UMAD1: variants seen among roughly 807,000 people sequenced by gnomAD.
UMAD1 encodes UBAP1-MVB12-associated (UMA) domain containing 1.
In UMAD1, 8 loss-of-function variants were observed where a neutral mutation model predicts 6.1. The observed-to-expected ratio is 1.30, with a 90% confidence interval of 0.76 to 2.35. The LOEUF (loss-of-function observed/expected upper bound fraction) is 2.35, where lower values mean the gene tolerates loss of function less well. UMAD1 is among the 30% of genes most tolerant of loss of function. The pLI is 0.00. For synonymous variants in UMAD1, 56 were observed against 31.4 expected (o/e 1.78, Z -2.61); for missense variants, 130 against 78.4 (o/e 1.66, Z -2.49).
intron 3 of UMAD1, among the ~76,000 whole-genome samples, chr7:7,827,893 T>C (rs1434676873): frequency 6.6e-6 from 1 of 152,250 alleles, no homozygotes; most frequent in Non-Finnish European, 1.5e-5. Context: ...TAAATATGTT[T>C]AACCCCTCTT....
At chr7:7,812,190 G>A (rs1783033508) in intron 3 of UMAD1, among the ~76,000 whole-genome samples, 1 of 152,196 alleles carries the variant, frequency 6.6e-6, no homozygotes, top group East Asian at 1.9e-4. Flanking sequence ...CCTAGCCAGT[G>A]AGTCCAAACC....
intron 2 of UMAD1, among the ~76,000 whole-genome samples, chr7:7,767,128 C>CTTTTTTTTT (rs71014711): frequency 6.9e-5 from 9 of 129,810 alleles, no homozygotes; most frequent in Non-Finnish European, 1.2e-4. Flanking sequence ...AAATTAAGCT[C>CTTTTTTTTT]TTTTTTTTTT....
At chr7:7,847,098 AAAAAAAAT>A (rs1563255543) in intron 3 of UMAD1, among the ~76,000 whole-genome samples, 3 of 46,916 alleles carry the variant, frequency 6.4e-5, no homozygotes, top group Non-Finnish European at 1.1e-4. Context: ...AAAAAAAAAA[AAAAAAAAT>A]ATATATATAT....
intron 1 of UMAD1, among the ~76,000 whole-genome samples, chr7:7,654,495 T>A (rs1785296461): frequency 1.3e-5 from 2 of 152,382 alleles, no homozygotes; most frequent in South Asian, 4.1e-4. Flanking sequence ...AATCCACAGA[T>A]GCTCAAGTGC....
chr7:7,814,855 A>T (rs1055682245), intron 3 of UMAD1, among the ~76,000 whole-genome samples: 1 of 152,018 alleles, frequency 6.6e-6, no homozygotes, highest in African/African-American at 2.4e-5. Context: ...GTGCGATGTG[A>T]TTTCTTCAGG....
At chr7:7,745,781 T>G (rs553165206) in intron 2 of UMAD1, among the ~76,000 whole-genome samples, 1 of 152,222 alleles carries the variant, frequency 6.6e-6, no homozygotes. Flanking sequence ...ATGGCCTGTT[T>G]CCCCACATTT....
intron 2 of UMAD1, among the ~76,000 whole-genome samples, chr7:7,682,695 T>C (rs1779943168): frequency 6.6e-6 from 1 of 152,212 alleles, no homozygotes; most frequent in Non-Finnish European, 1.5e-5. Flanking sequence ...AGAGTGTTTA[T>C]GGATTAAAAA....
At chr7:7,853,622 A>G (rs546205530) in intron 3 of UMAD1, among the ~76,000 whole-genome samples, 8 of 152,168 alleles carry the variant, frequency 5.3e-5, no homozygotes, top group Non-Finnish European at 8.8e-5. Flanking sequence ...CATTCCAAGT[A>G]TATAGAAATA....
chr7:7,710,295 A>G (rs1563143690), intron 2 of UMAD1, among the ~76,000 whole-genome samples: 1 of 152,326 alleles, frequency 6.6e-6, no homozygotes, highest in African/African-American at 2.4e-5. Context: ...CTCACACTTT[A>G]TGCAAAAATT....
intron 3 of UMAD1, among the ~76,000 whole-genome samples, chr7:7,810,147 G>A (rs964180542): frequency 6.6e-6 from 1 of 151,950 alleles, no homozygotes; most frequent in African/African-American, 2.4e-5. Context: ...TATATAATAA[G>A]TATATTAATT....
intron 3 of UMAD1, among the ~76,000 whole-genome samples, chr7:7,874,090 T>C (rs901846786): frequency 6.6e-6 from 1 of 152,190 alleles, no homozygotes; most frequent in African/African-American, 2.4e-5. Context: ...ATCCCTATAA[T>C]TGGTGATTCC....
At chr7:7,843,068 T>G (rs958117585) in intron 3 of UMAD1, among the ~76,000 whole-genome samples, 1 of 152,208 alleles carries the variant, frequency 6.6e-6, no homozygotes, top group Non-Finnish European at 1.5e-5. Flanking sequence ...GAGAGATTTT[T>G]CTGGACATAC....
At chr7:7,743,555 C>G (rs1417146361) in intron 2 of UMAD1, among the ~76,000 whole-genome samples, 1 of 151,392 alleles carries the variant, frequency 6.6e-6, no homozygotes, top group African/African-American at 2.4e-5. Context: ...TAATACTTTC[C>G]CCTTATGTAT....
At chr7:7,731,835 G>A (rs1781265609) in intron 2 of UMAD1, among the ~76,000 whole-genome samples, 1 of 152,124 alleles carries the variant, frequency 6.6e-6, no homozygotes, top group South Asian at 2.1e-4. Context: ...CAGGAGAAGT[G>A]TAGTAGCTAA....
chr7:7,802,632 G>A (rs373383431), intron 3 of UMAD1, among the ~76,000 whole-genome samples: 1 of 152,246 alleles, frequency 6.6e-6, no homozygotes, highest in East Asian at 1.9e-4. Flanking sequence ...TACTAGGGTG[G>A]AAGGATTATC....
intron 2 of UMAD1, among the ~76,000 whole-genome samples, chr7:7,731,821 T>TA (rs1473790124): frequency 6.6e-6 from 1 of 152,150 alleles, no homozygotes; most frequent in East Asian, 1.9e-4. Context: ...AAAAATACCA[T>TA]AATCAGGAGA....
At chr7:7,780,073 G>A (rs1345350322) in intron 2 of UMAD1, among the ~76,000 whole-genome samples, 2 of 152,206 alleles carry the variant, frequency 1.3e-5, no homozygotes, top group Non-Finnish European at 2.9e-5. Flanking sequence ...GGCCTGCCAA[G>A]GGGCATTATT....
At chr7:7,752,719 C>G (rs960452044) in intron 2 of UMAD1, among the ~76,000 whole-genome samples, 1 of 151,840 alleles carries the variant, frequency 6.6e-6, no homozygotes, top group East Asian at 1.9e-4. Context: ...TATGTATAAT[C>G]AAAAATTTTA....
At chr7:7,837,000 C>T (rs958008699) in intron 3 of UMAD1, among the ~76,000 whole-genome samples, 12 of 149,914 alleles carry the variant, frequency 8.0e-5, no homozygotes, top group Non-Finnish European at 1.8e-4. Context: ...CCCCCAAACA[C>T]AAAGAAGAAT....
Sources: allele counts gnomAD v4.1 joint callset (sites outside exome capture counted in the v4.1 genomes callset), GRCh38; gene constraint gnomAD v4.1.1; transcripts MANE v1.5; gene names NCBI Gene and HGNC (gene_info 2026-07-23, HGNC 2026-07-21).